ANO2: variants seen among roughly 807,000 people sequenced by gnomAD.
ANO2 encodes the protein anoctamin 2.
In ANO2, 101 loss-of-function variants were observed where a neutral mutation model predicts 124.2. The observed-to-expected ratio is 0.81, with a 90% CI of 0.69 to 0.96. The LOEUF (loss-of-function observed/expected upper bound fraction) is 0.96. Among genes scored for constraint, ANO2 ranks in the 40% least tolerant of loss-of-function variants. The pLI, the probability that ANO2 is intolerant of heterozygous loss-of-function variation, is 0.00. For missense variants in ANO2, 1,293 were observed against 1,274.5 expected (o/e 1.01, Z -0.22); for synonymous variants, 486 against 482.5 (o/e 1.01, Z -0.09).
chr12:5,788,042 G>T (rs1952586119), intron 10 of ANO2, among the ~76,000 whole-genome samples: 1 of 152,198 alleles, frequency 6.6e-6, no homozygotes, highest in African/African-American at 2.4e-5. Flanking sequence ...TTGGCCAATG[G>T]AATGCTAGCA....
intron 16 of ANO2, among the ~76,000 whole-genome samples, chr12:5,633,918 C>G (rs185192554): frequency 6.6e-6 from 1 of 152,178 alleles, no homozygotes; most frequent in Non-Finnish European, 1.5e-5. Context: ...ATCCCCTCCT[C>G]CCTATATGCA....
At chr12:5,838,898 T>C (rs1366774375) in intron 4 of ANO2, among the ~76,000 whole-genome samples, 1 of 152,180 alleles carries the variant, frequency 6.6e-6, no homozygotes, top group Non-Finnish European at 1.5e-5. Context: ...ACCAATGAGA[T>C]GTGCAGCTTT....
At chr12:5,781,094 A>C (rs893129428) in intron 10 of ANO2, among the ~76,000 whole-genome samples, 6 of 152,226 alleles carry the variant, frequency 3.9e-5, no homozygotes, top group African/African-American at 1.4e-4. Flanking sequence ...CCAGGTGTTC[A>C]GACAGCCCAA....
intron 4 of ANO2, among the ~76,000 whole-genome samples, chr12:5,842,773 CA>C (rs893964274): frequency 3.0e-4 from 46 of 152,306 alleles, no homozygotes; most frequent in Non-Finnish European, 5.9e-5. Context: ...TCCACGTAGT[CA>C]ACCGGGCCTG....
chr12:5,804,979 G>A (rs578016445), intron 9 of ANO2, among the ~76,000 whole-genome samples: 2 of 152,224 alleles, frequency 1.3e-5, no homozygotes, highest in South Asian at 4.2e-4. Flanking sequence ...GTGAGATGTG[G>A]TGAGACATGC....
At chr12:5,698,745 C>T (rs1221715403) in intron 14 of ANO2, among the ~76,000 whole-genome samples, 1 of 152,112 alleles carries the variant, frequency 6.6e-6, no homozygotes, top group Non-Finnish European at 1.5e-5. Flanking sequence ...GTAGAGAAGT[C>T]CTTAAATGAC....
chr12:5,808,814 G>A (rs947732364), intron 7 of ANO2, among the ~76,000 whole-genome samples: 6 of 152,034 alleles, frequency 3.9e-5, no homozygotes, highest in African/African-American at 1.4e-4. Flanking sequence ...TCAGAGACCC[G>A]CAGAGGATCT....
chr12:5,692,433 G>A (rs1159428153), intron 14 of ANO2, among the ~76,000 whole-genome samples: 1 of 152,150 alleles, frequency 6.6e-6, no homozygotes, highest in East Asian at 1.9e-4. Context: ...GTTGGTTGAT[G>A]TCAGGATGTT....
chr12:5,649,032 G>C (rs1001544560), intron 14 of ANO2, among the ~76,000 whole-genome samples: 1 of 152,186 alleles, frequency 6.6e-6, no homozygotes, highest in African/African-American at 2.4e-5. Flanking sequence ...ATTGATCTTG[G>C]TGCCACGCAC....
chr12:5,625,537 T>G (rs1945354923), intron 16 of ANO2, among the ~76,000 whole-genome samples: 2 of 152,026 alleles, frequency 1.3e-5, no homozygotes, highest in African/African-American at 4.8e-5. Flanking sequence ...AAAATTAAGT[T>G]CTCAAAGTTG....
At chr12:5,572,328 C>T (rs1480671269) in intron 23 of ANO2, among the ~76,000 whole-genome samples, 1 of 152,190 alleles carries the variant, frequency 6.6e-6, no homozygotes, top group Non-Finnish European at 1.5e-5. Flanking sequence ...GACCTACCAC[C>T]CTCCCCACCC....
At chr12:5,760,243 A>G (rs1053573965) in intron 10 of ANO2, among the ~76,000 whole-genome samples, 3 of 152,228 alleles carry the variant, frequency 2.0e-5, no homozygotes, top group African/African-American at 7.2e-5. Flanking sequence ...TTTGTAAATT[A>G]CCAGTTAAGC....
intron 14 of ANO2, among the ~76,000 whole-genome samples, chr12:5,689,946 CTCCTA>C (rs1948860860): frequency 6.6e-6 from 1 of 152,200 alleles, no homozygotes; most frequent in South Asian, 2.1e-4. Context: ...ATAAGACAAA[CTCCTA>C]TAGTGACTGC....
chr12:5,812,230 G>A (rs2137182235), intron 7 of ANO2, among the ~76,000 whole-genome samples: 1 of 140,892 alleles, frequency 7.1e-6, no homozygotes, highest in Non-Finnish European at 1.5e-5. Context: ...GAAGGGAAGG[G>A]GGAAGGGGAA....
chr12:5,905,451 A>G (rs531603385), intron 3 of ANO2, among the ~76,000 whole-genome samples: 2 of 152,346 alleles, frequency 1.3e-5, no homozygotes, highest in African/African-American at 4.8e-5. Context: ...CTTCAAAAGC[A>G]GAAGTACAGG....
chr12:5,665,609 C>T (rs1947663706), intron 14 of ANO2, among the ~76,000 whole-genome samples: 1 of 152,172 alleles, frequency 6.6e-6, no homozygotes, highest in South Asian at 2.1e-4. Context: ...AGCCAGGACC[C>T]AGGAGCCAAT....
chr12:5,782,153 A>C (rs140898770), intron 10 of ANO2, among the ~76,000 whole-genome samples: 172 of 152,276 alleles, frequency 1.1e-3, no homozygotes, highest in African/African-American at 4.1e-3. Context: ...TAGGATTTTT[A>C]TGTCTTCTTA....
At chr12:5,902,975 A>T (rs1940419300) in intron 3 of ANO2, among the ~76,000 whole-genome samples, 1 of 149,666 alleles carries the variant, frequency 6.7e-6, no homozygotes, top group Non-Finnish European at 1.5e-5. Context: ...GGTCTCTATG[A>T]TTTTAGCTGA....
At chr12:5,882,178 T>C (rs981885993) in intron 3 of ANO2, among the ~76,000 whole-genome samples, 4 of 152,196 alleles carry the variant, frequency 2.6e-5, no homozygotes, top group Non-Finnish European at 5.9e-5. Context: ...TATCTGACCT[T>C]CATCAACTCA....
Sources: gnomAD v4.1 joint callset for allele counts (sites outside exome capture counted in the v4.1 genomes callset) on GRCh38, gnomAD v4.1.1 for gene constraint, MANE v1.5 for transcripts, NCBI Gene and HGNC (gene_info 2026-07-23, HGNC 2026-07-21) for gene names.